Variants in ITGAV observed in about 807,000 individuals in gnomAD.
The protein encoded by ITGAV is integrin subunit alpha V, also known as integrin alpha-V.
A neutral mutation model predicts 143.8 loss-of-function variants in ITGAV; 76 were observed. The observed-to-expected ratio is 0.53, with a 90% CI of 0.44 to 0.64. The LOEUF is 0.64. Among genes scored for constraint, ITGAV ranks in the 30% least tolerant of loss-of-function variants. The probability of loss-of-function intolerance (pLI) is 0.00; values close to 1 mark genes in which losing one functional copy is unlikely to be tolerated. For missense variants in ITGAV, 1,193 were observed against 1,274.7 expected (o/e 0.94, Z 0.98); for synonymous variants, 453 against 446.7 (o/e 1.01, Z -0.18).
intron 1 of ITGAV, 122 bp downstream of exon 1, chr2:186,590,645 C>A (rs1686591778): frequency 2.3e-6 from 2 of 882,150 alleles, no homozygotes; most frequent in South Asian, 3.6e-5. Flanking sequence ...ACCCATCCTA[C>A]CTCTCAGAGT....
Position 186,656,322 on chromosome 2 carries a change from G to A in ITGAV, c.1640G>A (p.Arg547Lys). 6.3e-7 allele frequency: 1 copy of A among 1,583,562 alleles called. No individual in the cohort carries two copies. Among genetic ancestry groups the A allele is most frequent in the Non-Finnish European group, 8.6e-7 (1 of 1,168,780 alleles). The change falls in exon 17 of 30, where the codon AGG (arginine) becomes AAG (lysine). Residue 547 changes from arginine (R) to lysine (K), a missense_variant. Transcript: ENST00000261023. ...CGACGAGCACTGTTTCTCTACAGCA[G>A]GTCCCCAAGTCACTCCAAGAACATG... Reference protein sequence around the residue: ...AIRRALFLYSRSPSHSKNMTI... With the variant: ...AIRRALFLYSKSPSHSKNMTI...
chr2:186,602,168 A>G lies in ITGAV; in HGVS notation c.316+17A>G. The stretch of plus-strand genomic sequence containing the variant: ...ATGCAACAGGTAAATTTTGATGCAC[A>G]ATTTTCTTTTCATTGATTTCATTTG... On this transcript the variant is annotated intron_variant, in intron 2 of 29. Coordinates refer to ENST00000261023, the MANE Select transcript of ITGAV (RefSeq NM_002210.5). The G allele has an allele frequency of 6.3e-7, 1 of 1,593,918 alleles. No homozygotes were observed. The highest frequency in any genetic ancestry group is 8.5e-7 in the Non-Finnish European group (1 of 1,172,336).
At chr2:186,674,628 T>C (rs2594698) in intron 26 of ITGAV, among the ~76,000 whole-genome samples, 146,639 of 152,110 alleles carry the variant, frequency 0.96, 70,791 homozygotes, top group Middle Eastern at 1. Context: ...TCTCCTGCCT[T>C]AGCCTCCCAA....
At position 186,590,261 on chromosome 2, in the gene ITGAV, C is replaced by T; in HGVS notation, c.-78C>T. Reference sequence around the variant, plus strand: ...GTTTGGGCGCGCGCAGGCGGCGGGCCGCGGGCACTGGGCGCCTCGCTGGGG... The same window carrying T: ...GTTTGGGCGCGCGCAGGCGGCGGGCTGCGGGCACTGGGCGCCTCGCTGGGG... On this transcript the variant is annotated 5_prime_UTR_variant, in exon 1 of 30. Coordinates refer to ENST00000261023, the MANE Select transcript of ITGAV (RefSeq NM_002210.5). 12 of 1,252,758 alleles carry T rather than the reference C, an allele frequency of 9.6e-6. 1 individual carries two copies. The highest frequency in any genetic ancestry group is 6.3e-5 in the East Asian group (2 of 31,552). The allele number at this position is 1,252,758 out of a possible 1,614,324, so 77.6% of individuals were successfully genotyped here. A position where few individuals can be genotyped will look rare whatever the true frequency, so the allele number is the denominator to read the frequency against.
At chr2:186,610,123 A>G (rs1330233850) in intron 2 of ITGAV, among the ~76,000 whole-genome samples, 2 of 152,166 alleles carry the variant, frequency 1.3e-5, no homozygotes, top group Non-Finnish European at 2.9e-5. Flanking sequence ...GTAAAATGAT[A>G]GAAGTTACAT....
intron 26 of ITGAV, among the ~76,000 whole-genome samples, chr2:186,673,941 A>G (rs1689135922): frequency 6.6e-6 from 1 of 152,066 alleles, no homozygotes; most frequent in Non-Finnish European, 1.5e-5. Flanking sequence ...AAAGTTCTAG[A>G]ATTACAAATG....
intron 2 of ITGAV, among the ~76,000 whole-genome samples, chr2:186,608,831 T>C (rs753942577): frequency 2.0e-5 from 3 of 152,136 alleles, no homozygotes; most frequent in African/African-American, 2.4e-5. Flanking sequence ...AAGAATTTAT[T>C]GGAAGGATGT....
chr2:186,650,216 T>G (rs1050722279), intron 14 of ITGAV, among the ~76,000 whole-genome samples: 1 of 152,214 alleles, frequency 6.6e-6, no homozygotes, highest in Non-Finnish European at 1.5e-5. Flanking sequence ...CTTCTAGTTA[T>G]TTTGATCTTT....
chr2:186,647,927 T>C (rs1428006126), intron 13 of ITGAV, among the ~76,000 whole-genome samples: 1 of 152,204 alleles, frequency 6.6e-6, no homozygotes, highest in Non-Finnish European at 1.5e-5. Context: ...GTTTTTTTGT[T>C]ATAAATGCAA....
chr2:186,623,029 C>T (rs1465755457), intron 3 of ITGAV, among the ~76,000 whole-genome samples: 4 of 152,036 alleles, frequency 2.6e-5, no homozygotes, highest in African/African-American at 9.7e-5. Flanking sequence ...CACTTCCTCT[C>T]TTTGAAAATA....
chr2:186,624,507 T>C (rs563497138), intron 3 of ITGAV, among the ~76,000 whole-genome samples: 2 of 152,290 alleles, frequency 1.3e-5, no homozygotes, highest in Admixed American at 1.3e-4. Context: ...GTCAAGTACG[T>C]GTAGAGAAGT....
At chr2:186,664,022 C>T (rs1477273433) in intron 19 of ITGAV, among the ~76,000 whole-genome samples, 187 bp downstream of exon 19, 2 of 152,074 alleles carry the variant, frequency 1.3e-5, no homozygotes, top group African/African-American at 4.8e-5. Context: ...TCACTAGTTG[C>T]CTAGGTTGAA....
intron 28 of ITGAV, chr2:186,676,146 A>C: frequency 4.6e-6 from 2 of 436,428 alleles, no homozygotes; most frequent in South Asian, 8.4e-5. Flanking sequence ...GTCCAGTGTA[A>C]GAGATTTCTT....
intron 2 of ITGAV, among the ~76,000 whole-genome samples, chr2:186,620,959 C>A (rs917907286): frequency 2.0e-5 from 3 of 152,068 alleles, no homozygotes; most frequent in African/African-American, 4.8e-5. Context: ...ATATAAAAAA[C>A]ATGCATGTAT....
chr2:186,679,545 A>C lies in ITGAV; in HGVS notation c.*2253A>C, dbSNP rs997796751. ...CAAAAAATTGCCCTATGAAAACTTT[A>C]AATCTCTAAAACATTTGAAATACTA... On this transcript the variant is annotated 3_prime_UTR_variant, in exon 30 of 30. Transcript: ENST00000261023. 6.6e-6 allele frequency: 1 copy of C among 151,948 alleles called. No individual in the cohort carries two copies. Among genetic ancestry groups the C allele is most frequent in the Non-Finnish European group, 1.5e-5 (1 of 67,864 alleles). 9.4% of individuals were successfully genotyped at this position (151,948 alleles called of 1,614,324 possible). A position where few individuals can be genotyped will look rare whatever the true frequency, so the allele number is the denominator to read the frequency against.
chr2:186,671,316 C>T (rs1481419031), intron 26 of ITGAV, among the ~76,000 whole-genome samples: 2 of 152,086 alleles, frequency 1.3e-5, no homozygotes, highest in African/African-American at 4.8e-5. Flanking sequence ...TGCCTCTCTG[C>T]TTGCATCTCC....
chr2:186,605,156 C>T (rs1203350780), intron 2 of ITGAV, among the ~76,000 whole-genome samples: 1 of 152,202 alleles, frequency 6.6e-6, no homozygotes, highest in East Asian at 1.9e-4. Context: ...AATCTGAAGA[C>T]AGAATACTAG....
intron 1 of ITGAV, among the ~76,000 whole-genome samples, chr2:186,592,861 A>G (rs12693454): frequency 0.73 from 110,548 of 152,064 alleles, 40,280 homozygotes; most frequent in East Asian, 0.85. Context: ...CCAACCTTGA[A>G]TTTTTTTCTT....
rs185237704 is a variant in ITGAV at position 186,673,911 on chromosome 2, C to A, written c.2707-1693C>A. Among the ~76,000 whole-genome samples the A allele has an allele frequency of 2.7e-4, 41 of 152,162 alleles. 1 individual carries two copies. The highest frequency in any genetic ancestry group is 3.4e-3 in the Middle Eastern group (1 of 294). Reference sequence around the variant, plus strand: ...TCTCGAACTCCTGACCTCAGGTGATCCACCCACCTTGGCCTCCCGAAAGTT... The same window carrying A: ...TCTCGAACTCCTGACCTCAGGTGATACACCCACCTTGGCCTCCCGAAAGTT... On this transcript the variant is annotated intron_variant, in intron 26 of 29. Coordinates refer to ENST00000261023, the MANE Select transcript of ITGAV (RefSeq NM_002210.5).
Sources: gnomAD v4.1 joint callset for allele counts (sites outside exome capture counted in the v4.1 genomes callset) on GRCh38, gnomAD v4.1.1 for gene constraint, MANE v1.5 for transcripts, NCBI Gene and HGNC (gene_info 2026-07-23, HGNC 2026-07-21) for gene names.